MCPH1: variants seen among roughly 807,000 people sequenced by gnomAD.
The protein encoded by MCPH1 is microcephalin 1, also known as microcephalin.
In MCPH1, 104 loss-of-function variants were observed where a neutral mutation model predicts 84.5. The ratio of observed to expected loss-of-function variants is 1.23; its 90% confidence interval spans 1.05 to 1.45. The LOEUF is 1.45. MCPH1 is among the 40% of genes most tolerant of loss of function. The pLI, the probability that MCPH1 is intolerant of heterozygous loss-of-function variation, is 0.00. For synonymous variants in MCPH1, 514 were observed against 366.8 expected, an observed-to-expected ratio of 1.40 and a Z score of -4.58; for missense variants, 1,498 against 1,005.7, an observed-to-expected ratio of 1.49 and a Z score of -6.62.
intron 12 of MCPH1, among the ~76,000 whole-genome samples, chr8:6,577,026 G>A (rs1177577305): frequency 6.6e-6 from 1 of 152,066 alleles, no homozygotes; most frequent in African/African-American, 2.4e-5. Context: ...CCTTTGCCAC[G>A]GAACCTGAAA....
chr8:6,508,627 C>T, intron 12 of MCPH1: 1 of 560,170 alleles, frequency 1.8e-6, no homozygotes, highest in Non-Finnish European at 3.1e-6. Context: ...AACCATCTCT[C>T]TAGTATCCAG....
Position 6,474,396 on chromosome 8 carries a change from GT to G in MCPH1, c.1936-3197del, listed in dbSNP as rs1365387117. On this transcript the variant is annotated intron_variant, in intron 9 of 13. Transcript: ENST00000344683. ...CTTTAGGACTGAACTCAGGGAGTCT[GT>G]GGGGTCAAAACTAATTTCATAATAC... 1.0e-5 allele frequency: 3 copies of G among 290,340 alleles called. No individual in the cohort carries two copies. In the East Asian group the frequency reaches 2.3e-4, roughly 23 times the overall value. The allele number at this position is 290,340 out of a possible 1,614,324, so 18.0% of individuals were successfully genotyped here.
At chr8:6,511,685 A>C (rs1424431048) in intron 12 of MCPH1, among the ~76,000 whole-genome samples, 3 of 152,160 alleles carry the variant, frequency 2.0e-5, no homozygotes, top group Non-Finnish European at 4.4e-5. Context: ...TTTCGATGTA[A>C]TATCTATTTT....
In MCPH1 at chr8:6,445,077, G is replaced by C; in HGVS notation, c.1355G>C (p.Arg452Thr). Residue 452 changes from arginine (R) to threonine (T), a missense_variant, in exon 8 of 14, where the codon AGA (arginine) becomes ACA (threonine). By Grantham distance (71) the Arg-to-Thr change is moderately conservative. Coordinates refer to ENST00000344683, the MANE Select transcript of MCPH1 (RefSeq NM_024596.5). ...LSCRSLSKKE[R>T]TSIFEMSDFS... ...TGCAGAAGTCTTTCTAAGAAGGAGA[G>C]AACAAGCATATTTGAAATGTCTGAT... 1 of 1,614,256 alleles carries C rather than the reference G, an allele frequency of 6.2e-7. No individual in the cohort carries two copies. The highest frequency in any genetic ancestry group is 8.5e-7 in the Non-Finnish European group (1 of 1,180,048).
chr8:6,541,271 C>A (rs1821508715), intron 12 of MCPH1, among the ~76,000 whole-genome samples: 1 of 152,148 alleles, frequency 6.6e-6, no homozygotes, highest in Non-Finnish European at 1.5e-5. Context: ...AAAAATGAGG[C>A]TTAGAGAAAG....
intron 12 of MCPH1, among the ~76,000 whole-genome samples, chr8:6,555,988 C>A (rs943679380): frequency 2.0e-5 from 3 of 152,150 alleles, no homozygotes; most frequent in Non-Finnish European, 4.4e-5. Context: ...TCTCAGCAAT[C>A]GGAATCTGTC....
At chr8:6,585,538 T>C (rs1827906251) in intron 12 of MCPH1, among the ~76,000 whole-genome samples, 1 of 152,226 alleles carries the variant, frequency 6.6e-6, no homozygotes, top group South Asian at 2.1e-4. Context: ...TCTCCAGCCC[T>C]CCTCCCAAGG....
chr8:6,458,344 C>T (rs1406141950), intron 9 of MCPH1, among the ~76,000 whole-genome samples: 3 of 151,530 alleles, frequency 2.0e-5, no homozygotes, highest in South Asian at 2.1e-4. Context: ...TAGTGGCGGG[C>T]GCCTGTAGTC....
At chr8:6,529,081 A>T (rs1359757826) in intron 12 of MCPH1, among the ~76,000 whole-genome samples, 4 of 152,182 alleles carry the variant, frequency 2.6e-5, no homozygotes, top group African/African-American at 9.7e-5. Flanking sequence ...TTCCGTGTGG[A>T]GGCAGGGAAG....
At chr8:6,531,819 G>C (rs748651132) in intron 12 of MCPH1, among the ~76,000 whole-genome samples, 1 of 152,142 alleles carries the variant, frequency 6.6e-6, no homozygotes. Context: ...TCTTTTCTGT[G>C]GCTAGACGCT....
chr8:6,585,398 G>A (rs6559168), intron 12 of MCPH1, among the ~76,000 whole-genome samples: 33,126 of 152,192 alleles, frequency 0.22, 3,841 homozygotes, highest in South Asian at 0.31. Context: ...AGCTGGAAGC[G>A]TGGCCTGGTG....
intron 13 of MCPH1, chr8:6,626,816 G>A: frequency 1.0e-6 from 1 of 985,310 alleles, no homozygotes; most frequent in Non-Finnish European, 1.2e-6. Context: ...GGTCAGCTCT[G>A]TGCACTCTTC....
chr8:6,534,986 A>G (rs1461834029), intron 12 of MCPH1, among the ~76,000 whole-genome samples: 4 of 152,212 alleles, frequency 2.6e-5, no homozygotes, highest in African/African-American at 4.8e-5. Flanking sequence ...GTTACTCCTC[A>G]CAGCACCCCA....
chr8:6,612,380 G>T (rs964556638), intron 12 of MCPH1, among the ~76,000 whole-genome samples: 1 of 152,114 alleles, frequency 6.6e-6, no homozygotes, highest in Non-Finnish European at 1.5e-5. Context: ...GCCCCAGCTG[G>T]AGAGTTGTTC....
chr8:6,640,443 C>T (rs1797869421), intron 13 of MCPH1, among the ~76,000 whole-genome samples: 1 of 152,014 alleles, frequency 6.6e-6, no homozygotes, highest in Admixed American at 6.6e-5. Flanking sequence ...TTTCTAATTG[C>T]CTGATTACTA....
chr8:6,578,151 A>T (rs1214872121), intron 12 of MCPH1, among the ~76,000 whole-genome samples: 1 of 152,200 alleles, frequency 6.6e-6, no homozygotes, highest in Non-Finnish European at 1.5e-5. Context: ...CCCGATGGGC[A>T]TTTGGACATG....
In MCPH1 at chr8:6,414,774, A is replaced by G. The variant is rs1281917780; in HGVS notation, c.124A>G (p.Thr42Ala). Residue 42 changes from threonine to alanine, a missense_variant, in exon 3 of 14, where the codon ACT becomes GCT. Physicochemically the swap from Thr to Ala is moderately conservative, Grantham distance 58. Coordinates refer to ENST00000344683, the MANE Select transcript of MCPH1 (RefSeq NM_024596.5). ...LVDMGAKVSK[T>A]FNKQVTHVIF... ...TGCATTTTGTCTACAGGTTTCAAAA[A>G]CTTTTAACAAACAAGTAACTCACGT... 6.2e-7 allele frequency: 1 copy of G among 1,613,636 alleles called. No individual in the cohort carries two copies. The highest frequency in any genetic ancestry group is 8.5e-7 in the Non-Finnish European group (1 of 1,179,810).
chr8:6,509,440 A>G (rs2442636), intron 12 of MCPH1, among the ~76,000 whole-genome samples: 69,740 of 152,050 alleles, frequency 0.46, 16,369 homozygotes, highest in Middle Eastern at 0.53. Context: ...AGACAACTGG[A>G]CAACCTCAAA....
rs527451299 is a variant in MCPH1, at chr8:6,632,184, G to T, written c.2452+10493G>T. Among the ~76,000 whole-genome samples, 3 of 152,340 alleles carry T rather than the reference G, an allele frequency of 2.0e-5. No individual in the cohort carries two copies. The East Asian group carries it at 5.8e-4, about 29-fold the overall frequency. ...GAATTACCAAGGGTGGAGTAGGCAGGAAGGGAGTGGAGAATTATTGTTTAA... is the reference window on the plus strand; with the variant it reads ...GAATTACCAAGGGTGGAGTAGGCAGTAAGGGAGTGGAGAATTATTGTTTAA... On this transcript the variant is annotated intron_variant, in intron 13 of 13. Transcript: ENST00000344683.
Sources: allele counts gnomAD v4.1 joint callset (sites outside exome capture counted in the v4.1 genomes callset), GRCh38; gene constraint gnomAD v4.1.1; transcripts MANE v1.5; gene names NCBI Gene and HGNC (gene_info 2026-07-23, HGNC 2026-07-21).